Variants in MAGI3 observed in about 807,000 individuals in gnomAD.
MAGI3 encodes membrane-associated guanylate kinase, WW and PDZ domain-containing protein 3.
In MAGI3, 43 loss-of-function variants were observed where a neutral mutation model predicts 121.8. The ratio of observed to expected loss-of-function variants is 0.35; its 90% CI spans 0.28 to 0.46. The LOEUF (loss-of-function observed/expected upper bound fraction) is 0.46, where lower values mean the gene tolerates loss of function less well. MAGI3 is among the 20% of genes least tolerant of loss of function. The probability of loss-of-function intolerance (pLI) is 1.00; values close to 1 mark genes in which losing one functional copy is unlikely to be tolerated. For missense variants in MAGI3, 1,547 were observed against 1,797.3 expected (o/e 0.86, Z 2.52); for synonymous variants, 553 against 639.3 (o/e 0.86, Z 2.04).
rs1043201393 is a variant in MAGI3, at chr1:113,685,233, T to G, written c.*1219T>G. ...TTCAGAATTCTTTTTAAAAGTCTAG[T>G]TAAAGATGTTTCTTAGAAGTTGGAG... On this transcript the variant is annotated 3_prime_UTR_variant, in exon 21 of 21. Coordinates refer to ENST00000307546, the MANE Select transcript of MAGI3 (RefSeq NM_001142782.2). 3 of 152,394 alleles carry G rather than the reference T, an allele frequency of 2.0e-5. No homozygotes were observed. The highest frequency in any genetic ancestry group is 6.5e-5 in the Admixed American group (1 of 15,288). 9.4% of individuals were successfully genotyped at this position (152,394 alleles called of 1,614,324 possible).
At chr1:113,560,792 A>T (rs1660202523) in intron 2 of MAGI3, among the ~76,000 whole-genome samples, 1 of 152,202 alleles carries the variant, frequency 6.6e-6, no homozygotes, top group Non-Finnish European at 1.5e-5. Flanking sequence ...GCAGACAGAG[A>T]CATGAAAAAC....
chr1:113,524,320 C>G (rs1658354480), intron 1 of MAGI3, among the ~76,000 whole-genome samples: 1 of 152,006 alleles, frequency 6.6e-6, no homozygotes, highest in African/African-American at 2.4e-5. Flanking sequence ...GGCCACCATC[C>G]TCCAGACCCC....
chr1:113,540,583 C>T (rs1043340260), intron 1 of MAGI3, among the ~76,000 whole-genome samples: 1 of 152,164 alleles, frequency 6.6e-6, no homozygotes, highest in Non-Finnish European at 1.5e-5. Flanking sequence ...ACTGAAACCA[C>T]TAGATAAAAC....
At chr1:113,610,268 G>GT (rs1437450481) in intron 6 of MAGI3, among the ~76,000 whole-genome samples, 1 of 151,954 alleles carries the variant, frequency 6.6e-6, no homozygotes, top group African/African-American at 2.4e-5. Context: ...CCAACAAAGC[G>GT]TTTTTTAATG....
intron 1 of MAGI3, among the ~76,000 whole-genome samples, chr1:113,395,771 T>G (rs1459647883): frequency 6.6e-6 from 1 of 152,020 alleles, no homozygotes; most frequent in Non-Finnish European, 1.5e-5. Flanking sequence ...CCCCAGACTT[T>G]TATAATTTAG....
intron 1 of MAGI3, among the ~76,000 whole-genome samples, chr1:113,533,172 T>C (rs1658805971): frequency 6.6e-6 from 1 of 152,162 alleles, no homozygotes; most frequent in Non-Finnish European, 1.5e-5. Context: ...GTCATAGACC[T>C]CCGGATTACT....
chr1:113,545,300 A>C (rs577943788), intron 1 of MAGI3, among the ~76,000 whole-genome samples: 128 of 152,256 alleles, frequency 8.4e-4, no homozygotes, highest in African/African-American at 3.0e-3. Flanking sequence ...ATGAATTTAT[A>C]AGAATAAGAC....
At chr1:113,637,326 G>T (rs1223285075) in intron 9 of MAGI3, among the ~76,000 whole-genome samples, 2 of 152,124 alleles carry the variant, frequency 1.3e-5, no homozygotes, top group Admixed American at 6.6e-5. Context: ...TCCTAGCCTC[G>T]ATGGTCTTTA....
At chr1:113,394,546 G>A (rs1446090265) in intron 1 of MAGI3, among the ~76,000 whole-genome samples, 1 of 152,134 alleles carries the variant, frequency 6.6e-6, no homozygotes, top group East Asian at 1.9e-4. Flanking sequence ...TTACTACAGA[G>A]TATATATTCT....
intron 1 of MAGI3, among the ~76,000 whole-genome samples, chr1:113,410,251 A>G (rs536841558): frequency 3.3e-5 from 5 of 152,094 alleles, no homozygotes; most frequent in Admixed American, 1.3e-4. Context: ...CTTTTGAGGC[A>G]TTGGGAAGCC....
At chr1:113,581,859 C>T (rs954900163) in intron 3 of MAGI3, among the ~76,000 whole-genome samples, 2 of 152,070 alleles carry the variant, frequency 1.3e-5, no homozygotes, top group Non-Finnish European at 2.9e-5. Flanking sequence ...TTATTAAGTA[C>T]CTACTATGTG....
At chr1:113,546,177 T>G (rs1659525335) in intron 1 of MAGI3, among the ~76,000 whole-genome samples, 1 of 152,222 alleles carries the variant, frequency 6.6e-6, no homozygotes, top group South Asian at 2.1e-4. Flanking sequence ...AATATATTTT[T>G]TAATTAATTG....
intron 15 of MAGI3, among the ~76,000 whole-genome samples, chr1:113,655,720 G>C (rs1319279252): frequency 6.6e-6 from 1 of 152,024 alleles, no homozygotes; most frequent in Non-Finnish European, 1.5e-5. Flanking sequence ...TTTAATAGCT[G>C]TCTGATCTTG....
At chr1:113,672,216 A>G (rs1324097382) in intron 17 of MAGI3, among the ~76,000 whole-genome samples, 2 of 152,182 alleles carry the variant, frequency 1.3e-5, no homozygotes, top group Admixed American at 1.3e-4. Context: ...TTTTGTGTGT[A>G]TTTCTGTCTT....
At chr1:113,639,615 T>G (rs1034220193) in intron 9 of MAGI3, among the ~76,000 whole-genome samples, 9 of 152,274 alleles carry the variant, frequency 5.9e-5, no homozygotes, top group Non-Finnish European at 1.0e-4. Context: ...TTGCCCAGGC[T>G]GGAGTGCAGT....
rs567443276 is a variant in MAGI3 at position 113,479,484 on chromosome 1, G to A, written c.317-70031G>A. Among the ~76,000 whole-genome samples the A allele has an allele frequency of 5.3e-5, 8 of 152,172 alleles. No individual in the cohort carries two copies. The South Asian group carries it at 6.2e-4, about 12-fold the overall frequency. Reference sequence around the variant, plus strand: ...GAAATATACTCATGGTCTTAAAATCGTTCCCTTGTATGTGACTAGTCATTT... The same window carrying A: ...GAAATATACTCATGGTCTTAAAATCATTCCCTTGTATGTGACTAGTCATTT... On this transcript the variant is annotated intron_variant, in intron 1 of 20. Coordinates refer to ENST00000307546, the MANE Select transcript of MAGI3 (RefSeq NM_001142782.2).
At chr1:113,424,009 C>T (rs995077603) in intron 1 of MAGI3, among the ~76,000 whole-genome samples, 3 of 152,250 alleles carry the variant, frequency 2.0e-5, no homozygotes, top group Admixed American at 6.5e-5. Context: ...TCTGAGCCCA[C>T]GGGGGCAGGG....
chr1:113,427,683 T>TA (rs1653080794), intron 1 of MAGI3, among the ~76,000 whole-genome samples: 1 of 152,150 alleles, frequency 6.6e-6, no homozygotes, highest in South Asian at 2.1e-4. Flanking sequence ...TTTCTTGGGT[T>TA]TATAGTTGTA....
At chr1:113,511,017 C>A (rs1210817834) in intron 1 of MAGI3, among the ~76,000 whole-genome samples, 1 of 152,186 alleles carries the variant, frequency 6.6e-6, no homozygotes, top group African/African-American at 2.4e-5. Flanking sequence ...CCTTTAAAAG[C>A]ATGAACTAGC....
Sources: allele counts gnomAD v4.1 joint callset (sites outside exome capture counted in the v4.1 genomes callset), GRCh38; gene constraint gnomAD v4.1.1; transcripts MANE v1.5; gene names NCBI Gene and HGNC (gene_info 2026-07-23, HGNC 2026-07-21).